The following CDC16 variants were observed in gnomAD, a reference collection of about 807,000 sequenced individuals.
CDC16 encodes the protein cell division cycle 16, also known as cell division cycle protein 16 homolog.
CDC16 carries 34 observed loss-of-function variants against 87.0 expected under a neutral mutation model. The observed-to-expected ratio is 0.39, with a 90% CI of 0.30 to 0.52. The LOEUF is 0.52. Among genes scored for constraint, CDC16 ranks in the 20% least tolerant of loss-of-function variants. CDC16 has a pLI of 0.74. For missense variants in CDC16, 653 were observed against 751.9 expected, an observed-to-expected ratio of 0.87 and a Z score of 1.54; for synonymous variants, 263 against 260.6, an observed-to-expected ratio of 1.01 and a Z score of -0.09.
At chr13:114,245,892 C>G (rs2081840458) in intron 9 of CDC16, 108 bp from the exon 10 acceptor site, 4 of 662,554 alleles carry the variant, frequency 6.0e-6, no homozygotes, top group Admixed American at 3.2e-5. Flanking sequence ...AGTATGAAAT[C>G]ATTGCTGTAA....
At chr13:114,271,143 G>C (rs533614912) in intron 17 of CDC16, among the ~76,000 whole-genome samples, 1 of 151,814 alleles carries the variant, frequency 6.6e-6, no homozygotes, top group Non-Finnish European at 1.5e-5. Flanking sequence ...GGATGGTCTC[G>C]ATCTCCTGAC....
chr13:114,262,937 G>A lies in CDC16; in HGVS notation c.1435G>A (p.Ala479Thr). The change falls in exon 16 of 18, where the codon GCA becomes ACA. Residue 479 changes from alanine to threonine, a missense_variant. Coordinates refer to ENST00000356221, the MANE Select transcript of CDC16 (RefSeq NM_001078645.3). ...RQALVLIPQN[A>T]STYSAIGYIH... ...GGCACTGGTGTTGATTCCTCAGAAC[G>A]CATCCACCTACTCTGCTATTGGATA... The A allele has an allele frequency of 6.2e-7, 1 of 1,613,532 alleles. No homozygotes were observed.
chr13:114,252,126 GCCCTACACTA>G, intron 12 of CDC16, among the ~76,000 whole-genome samples: 1 of 149,896 alleles, frequency 6.7e-6, no homozygotes, highest in African/African-American at 2.5e-5. Flanking sequence ...TTGGATAAGA[GCCCTACACTA>G]GCCCTGTTGG....
intron 6 of CDC16, 34 bp from the exon 7 acceptor site, chr13:114,243,223 T>C (rs879461994): frequency 5.3e-6 from 5 of 934,604 alleles, no homozygotes; most frequent in Non-Finnish European, 8.8e-6. Flanking sequence ...ATAAATATTA[T>C]GAGGATATTC....
In CDC16 at chr13:114,234,974, G is replaced by GGGCGGC. The variant is rs201328050; in HGVS notation, c.-101_-96dup. On this transcript the variant is annotated 5_prime_UTR_variant, in exon 1 of 18. Transcript: ENST00000356221. ...TCGAGTCCGCGGCCTTCGAGTCCTGGGGCGGCGGCGGCGGCTGCAGGCACG... is the reference window on the plus strand; with the variant it reads ...TCGAGTCCGCGGCCTTCGAGTCCTGGGGCGGCGGCGGCGGCGGCGGCTGCAGGCACG... 0.22 allele frequency: 168,675 copies of GGGCGGC among 775,366 alleles called. 21,972 individuals are homozygous for GGGCGGC. Among genetic ancestry groups the GGGCGGC allele is most frequent in the African/African-American group, 0.46 (23,760 of 52,052 alleles). The allele number at this position is 775,366 out of a possible 1,614,324, so 48.0% of individuals were successfully genotyped here. A position where few individuals can be genotyped will look rare whatever the true frequency, so the allele number is the denominator to read the frequency against.
At chr13:114,257,361 G>C in intron 13 of CDC16, 131 bp downstream of exon 13, 1 of 602,350 alleles carries the variant, frequency 1.7e-6, no homozygotes, top group Non-Finnish European at 2.7e-6. Context: ...TTTAGGAGAA[G>C]GAGATAGAAA....
At position 114,272,380 on chromosome 13, in the gene CDC16, T is replaced by C; in HGVS notation, c.1800T>C (p.Phe600=). The C allele has an allele frequency of 1.2e-6, 2 of 1,614,042 alleles. No individual in the cohort carries two copies. The highest frequency in any genetic ancestry group is 1.7e-6 in the Non-Finnish European group (2 of 1,179,904). Residue 600 remains phenylalanine, a synonymous_variant, in exon 18 of 18, where the codon TTT becomes TTC. Transcript: ENST00000356221. ...CCAGACCTTCCTTGGAAGAAACCTT[T>C]GAAATTGAAATGAATGAAAGTGACA... The part of the protein sequence containing the change: ...PDSRPSLEET[F]EIEMNESDMM...
chr13:114,258,835 C>T (rs887498734), intron 13 of CDC16, among the ~76,000 whole-genome samples: 6 of 152,044 alleles, frequency 3.9e-5, no homozygotes, highest in Non-Finnish European at 5.9e-5. Context: ...CGGTGGCTCC[C>T]GTCTGTAATC....
intron 13 of CDC16, 102 bp from the exon 14 acceptor site, chr13:114,259,233 C>A (rs1418223478): frequency 1.6e-6 from 1 of 642,384 alleles, no homozygotes; most frequent in African/African-American, 1.9e-5. Flanking sequence ...AGCAGTTTAC[C>A]CCATTGCATT....
chr13:114,257,291 T>A, intron 13 of CDC16, 61 bp downstream of exon 13: 5 of 1,060,886 alleles, frequency 4.7e-6, no homozygotes, highest in Non-Finnish European at 5.3e-6. Flanking sequence ...CAGTAGGTGA[T>A]CACTAGAGTT....
At chr13:114,264,702 C>G (rs772724430) in intron 16 of CDC16, among the ~76,000 whole-genome samples, 2 of 151,898 alleles carry the variant, frequency 1.3e-5, no homozygotes, top group Non-Finnish European at 2.9e-5. Context: ...ACCTCCACCT[C>G]CCAGCAGTTT....
chr13:114,242,058 G>GA (rs58418458), intron 5 of CDC16, 63 bp from the exon 6 acceptor site: 128,951 of 1,024,002 alleles, frequency 0.13, 534 homozygotes, highest in Non-Finnish European at 0.14. Flanking sequence ...CCTCTAAGGA[G>GA]AAAAAAAAAA....
chr13:114,239,214 T>C, intron 4 of CDC16, 136 bp from the exon 5 acceptor site: 1 of 1,417,490 alleles, frequency 7.1e-7, no homozygotes, highest in Middle Eastern at 1.8e-4. Flanking sequence ...CATGCTGACA[T>C]GCATGAAGAA....
chr13:114,237,874 A>G (rs2081332201), intron 3 of CDC16, among the ~76,000 whole-genome samples: 1 of 152,204 alleles, frequency 6.6e-6, no homozygotes, highest in African/African-American at 2.4e-5. Flanking sequence ...AGGAGTGAGT[A>G]GTCTTTAAAA....
At chr13:114,264,907 C>T (rs750342152) in intron 16 of CDC16, 42 of 377,344 alleles carry the variant, frequency 1.1e-4, no homozygotes, top group Admixed American at 2.9e-4. Context: ...TGCGCCCAGT[C>T]GAGATAGAAC....
chr13:114,235,237 C>T lies in CDC16; in HGVS notation c.48+105C>T, dbSNP rs1594536443. ...TGTCGGGGCTCTTGGTGGGGAAGGA[C>T]TGGGCCGGCCCTGGGCCTTCATCTG... On this transcript the variant is annotated intron_variant, in intron 1 of 17. Coordinates refer to ENST00000356221, the MANE Select transcript of CDC16 (RefSeq NM_001078645.3). The T allele has an allele frequency of 1.5e-5, 12 of 797,782 alleles. 1 individual carries two copies. The highest frequency in any genetic ancestry group is 3.0e-4 in the Middle Eastern group (1 of 3,306). 49.4% of individuals were successfully genotyped at this position (797,782 alleles called of 1,614,324 possible).
intron 12 of CDC16, among the ~76,000 whole-genome samples, chr13:114,254,612 T>G (rs959938661): frequency 6.6e-6 from 1 of 152,218 alleles, no homozygotes; most frequent in Non-Finnish European, 1.5e-5. Flanking sequence ...TGTTGTCTTT[T>G]AAATCAGATA....
intron 15 of CDC16, 137 bp downstream of exon 15, chr13:114,262,085 A>T (rs1441940734): frequency 2.0e-6 from 1 of 507,952 alleles, no homozygotes. Context: ...ATCAGCATCA[A>T]ATCAGTTTTT....
rs540521084 is a variant in CDC16 at position 114,247,178 on chromosome 13, A to C, written c.971+174A>C. 5.6e-5 allele frequency: 31 copies of C among 551,456 alleles called. No homozygotes were observed. In the East Asian group the frequency reaches 6.9e-4, roughly 12 times the overall value. The allele number at this position is 551,456 out of a possible 1,614,324, so 34.2% of individuals were successfully genotyped here. On this transcript the variant is annotated intron_variant, in intron 11 of 17. Transcript: ENST00000356221. ...TTTCTTGCCTTTTCTTTTCCTTCTC[A>C]CCTCCCCTCCCCTCTCTCTCGAGGG...
Sources: gnomAD v4.1 joint callset for allele counts (sites outside exome capture counted in the v4.1 genomes callset) on GRCh38, gnomAD v4.1.1 for gene constraint, MANE v1.5 for transcripts, NCBI Gene and HGNC (gene_info 2026-07-23, HGNC 2026-07-21) for gene names.